The following CSMD3 variants were observed in gnomAD, a reference collection of about 807,000 sequenced individuals.
CSMD3 encodes CUB and sushi domain-containing protein 3.
Under a neutral mutation model 435.2 loss-of-function variants are expected in CSMD3, and 177 were observed. The ratio of observed to expected loss-of-function variants is 0.41; its 90% CI spans 0.36 to 0.46. The LOEUF (loss-of-function observed/expected upper bound fraction) is 0.46, where lower values mean the gene tolerates loss of function less well. Among genes scored for constraint, CSMD3 ranks in the 20% least tolerant of loss-of-function variants. CSMD3 has a pLI of 0.34. For synonymous variants in CSMD3, 1,656 were observed against 1,520.5 expected, an observed-to-expected ratio of 1.09 and a Z score of -2.07; for missense variants, 4,265 against 4,504.6, an observed-to-expected ratio of 0.95 and a Z score of 1.52.
intron 3 of CSMD3, among the ~76,000 whole-genome samples, chr8:113,222,033 A>G (rs768478530): frequency 0.37 from 55,395 of 150,906 alleles, 11,002 homozygotes; most frequent in African/African-American, 0.52. Flanking sequence ...AAGGTTAAGT[A>G]AATGCATGAA....
intron 3 of CSMD3, among the ~76,000 whole-genome samples, chr8:113,255,659 T>C (rs769376840): frequency 7.2e-5 from 11 of 151,980 alleles, no homozygotes; most frequent in Non-Finnish European, 1.3e-4. Context: ...TCAATCCTGC[T>C]AATAAAGGGT....
chr8:112,275,556 TA>T (rs1239241990), intron 59 of CSMD3, among the ~76,000 whole-genome samples: 2 of 150,988 alleles, frequency 1.3e-5, no homozygotes, highest in Non-Finnish European at 3.0e-5. Flanking sequence ...TCAAAAAGAA[TA>T]AAAAAAAGAA....
intron 13 of CSMD3, among the ~76,000 whole-genome samples, chr8:112,699,724 G>A (rs1425334245): frequency 6.6e-6 from 1 of 152,144 alleles, no homozygotes; most frequent in Non-Finnish European, 1.5e-5. Context: ...CATCATTTTT[G>A]TGATACATCT....
chr8:113,204,005 T>TC (rs966501859), intron 3 of CSMD3, among the ~76,000 whole-genome samples: 72 of 152,218 alleles, frequency 4.7e-4, no homozygotes, highest in African/African-American at 1.5e-3. Flanking sequence ...AACCTCTATT[T>TC]CCCCCCTATA....
chr8:113,416,126 C>T (rs1025339535), intron 1 of CSMD3, among the ~76,000 whole-genome samples: 4 of 152,024 alleles, frequency 2.6e-5, no homozygotes, highest in African/African-American at 9.7e-5. Flanking sequence ...AAGTGTGATG[C>T]ATAAATTTAA....
chr8:113,119,894 T>C (rs1432767624), intron 4 of CSMD3, among the ~76,000 whole-genome samples: 4 of 152,114 alleles, frequency 2.6e-5, no homozygotes, highest in African/African-American at 9.6e-5. Flanking sequence ...AACATTTCTA[T>C]TGCATTTTTG....
intron 3 of CSMD3, among the ~76,000 whole-genome samples, chr8:113,220,894 T>A (rs1456843806): frequency 6.6e-6 from 1 of 151,342 alleles, no homozygotes; most frequent in African/African-American, 2.4e-5. Context: ...ACATTACCTG[T>A]GTAGTATTCC....
At position 112,653,894 on chromosome 8, in the gene CSMD3, G is replaced by A. The variant is rs913118986; in HGVS notation, c.3004+2260C>T. On this transcript the variant is annotated intron_variant, in intron 18 of 70. Coordinates refer to ENST00000297405, the MANE Select transcript of CSMD3 (RefSeq NM_198123.2). ...AGGCTGGTCTTGAACTCCTGACCTC[G>A]TGATCTGCCTGCCTTGGCCTCCCAA... Among the ~76,000 whole-genome samples, 18 of 152,092 alleles carry A rather than the reference G, an allele frequency of 1.2e-4. No homozygotes were observed. The East Asian group carries it at 1.7e-3, about 15-fold the overall frequency.
At chr8:113,248,003 T>C (rs2093293681) in intron 3 of CSMD3, among the ~76,000 whole-genome samples, 1 of 152,050 alleles carries the variant, frequency 6.6e-6, no homozygotes, top group Non-Finnish European at 1.5e-5. Context: ...GAACCATACT[T>C]TTAAAGAAGT....
chr8:112,917,962 C>T (rs2082621841), intron 10 of CSMD3, among the ~76,000 whole-genome samples: 1 of 151,886 alleles, frequency 6.6e-6, no homozygotes, highest in Non-Finnish European at 1.5e-5. Context: ...TTTCCAAGTT[C>T]TGCCCACATA....
intron 32 of CSMD3, among the ~76,000 whole-genome samples, chr8:112,416,020 C>A (rs114502630): frequency 0.011 from 1,746 of 152,160 alleles, 31 homozygotes; most frequent in African/African-American, 0.04. Flanking sequence ...TGGGTTAATG[C>A]TGGAATGAAT....
At chr8:112,765,440 C>A (rs1159046) in intron 13 of CSMD3, among the ~76,000 whole-genome samples, 143,810 of 151,610 alleles carry the variant, frequency 0.95, 68,265 homozygotes, top group East Asian at 1. Context: ...TGAATGTGTG[C>A]GACTGAATTC....
chr8:112,476,774 G>A (rs544078816), intron 31 of CSMD3, among the ~76,000 whole-genome samples: 5 of 152,008 alleles, frequency 3.3e-5, no homozygotes, highest in South Asian at 2.1e-4. Context: ...GACTCTTGGC[G>A]TCCAACAAAG....
Position 112,408,998 on chromosome 8 carries a change from T to C in CSMD3, c.5430A>G (p.Ser1810=). Residue 1810 remains serine (S), a synonymous_variant, in exon 33 of 71, where the codon TCA becomes TCG. Coordinates refer to ENST00000297405, the MANE Select transcript of CSMD3 (RefSeq NM_198123.2). ...VFGQFVFFQT[S]LHDVVEVYDG... ...CATACACCTCAACAACATCGTGGAG[T>C]GATGTCTGGAAAAATACAAACTGGC... The C allele has an allele frequency of 2.5e-6, 4 of 1,613,040 alleles. No individual in the cohort carries two copies. The highest frequency in any genetic ancestry group is 3.4e-6 in the Non-Finnish European group (4 of 1,179,592).
intron 59 of CSMD3, 75 bp downstream of exon 59, chr8:112,281,099 A>G (rs2130575387): frequency 8.7e-7 from 1 of 1,149,924 alleles, no homozygotes; most frequent in Non-Finnish European, 1.3e-6. Context: ...TAATTACAAA[A>G]CACACAAAAA....
At chr8:112,694,190 T>A (rs2076202607) in intron 13 of CSMD3, among the ~76,000 whole-genome samples, 1 of 151,988 alleles carries the variant, frequency 6.6e-6, no homozygotes, top group Non-Finnish European at 1.5e-5. Context: ...ATTTAGAGAG[T>A]AGCAGAGTGA....
intron 22 of CSMD3, among the ~76,000 whole-genome samples, chr8:112,603,126 C>T (rs1349413363): frequency 6.6e-6 from 1 of 152,206 alleles, no homozygotes; most frequent in Non-Finnish European, 1.5e-5. Context: ...GATACACCCA[C>T]CTCGCCCTCT....
chr8:113,099,079 A>C, intron 4 of CSMD3, 116 bp from the exon 5 acceptor site: 1 of 725,992 alleles, frequency 1.4e-6, no homozygotes, highest in East Asian at 2.7e-5. Flanking sequence ...ATGTGATACC[A>C]AGTGCATAAT....
chr8:113,198,318 T>C (rs1204627879), intron 3 of CSMD3, among the ~76,000 whole-genome samples: 1 of 151,354 alleles, frequency 6.6e-6, no homozygotes, highest in Non-Finnish European at 1.5e-5. Context: ...TTAAATTTAG[T>C]ATGTGTATGT....
Sources: gnomAD v4.1 joint callset for allele counts (sites outside exome capture counted in the v4.1 genomes callset) on GRCh38, gnomAD v4.1.1 for gene constraint, MANE v1.5 for transcripts, NCBI Gene and HGNC (gene_info 2026-07-23, HGNC 2026-07-21) for gene names.